NXPE3: variants seen among roughly 807,000 people sequenced by gnomAD.
The protein encoded by NXPE3 is neurexophilin and PC-esterase domain family member 3, also known as NXPE family member 3.
A neutral mutation model predicts 46.1 loss-of-function variants in NXPE3; 26 were observed. The ratio of observed to expected loss-of-function variants is 0.56; its 90% confidence interval spans 0.41 to 0.78. The LOEUF (loss-of-function observed/expected upper bound fraction) is 0.78, where lower values mean the gene tolerates loss of function less well. Among genes scored for constraint, NXPE3 ranks in the 30% least tolerant of loss-of-function variants. NXPE3 has a pLI of 0.00. For missense variants in NXPE3, 620 were observed against 686.0 expected, an observed-to-expected ratio of 0.90 and a Z score of 1.07; for synonymous variants, 272 against 257.9, an observed-to-expected ratio of 1.05 and a Z score of -0.52.
chr3:101,785,769 G>C, intron 4 of NXPE3, 80 bp downstream of exon 4: 6 of 1,116,482 alleles, frequency 5.4e-6, no homozygotes, highest in Non-Finnish European at 8.2e-6. Flanking sequence ...GAAAACGTTG[G>C]TTATCGGAAG....
chr3:101,781,820 G>A (rs1264163060), intron 1 of NXPE3: 1 of 152,096 alleles, frequency 6.6e-6, no homozygotes, highest in Non-Finnish European at 1.5e-5. Context: ...AACATTTGGA[G>A]CTTTTATCTT....
At chr3:101,809,822 C>T (rs1363167107) in intron 6 of NXPE3, among the ~76,000 whole-genome samples, 2 of 152,134 alleles carry the variant, frequency 1.3e-5, no homozygotes, top group Admixed American at 6.5e-5. Context: ...GTGCTGTCAT[C>T]CTTTTGTTTG....
chr3:101,794,498 T>C (rs573090085), intron 4 of NXPE3, among the ~76,000 whole-genome samples: 255 of 152,308 alleles, frequency 1.7e-3, no homozygotes, highest in African/African-American at 5.7e-3. Context: ...TGTGTGGGAC[T>C]TGAAATAATG....
chr3:101,798,178 A>C (rs1452927387), intron 4 of NXPE3, among the ~76,000 whole-genome samples: 1 of 151,660 alleles, frequency 6.6e-6, no homozygotes, highest in African/African-American at 2.4e-5. Context: ...ATGGCCAGTG[A>C]TGATGAGCAT....
intron 4 of NXPE3, among the ~76,000 whole-genome samples, chr3:101,791,595 G>A (rs563901861): frequency 8.0e-4 from 122 of 151,976 alleles, no homozygotes; most frequent in South Asian, 3.5e-3. Context: ...TATATTGGCC[G>A]GGCTGATCTC....
chr3:101,798,754 A>G (rs994871056), intron 4 of NXPE3, among the ~76,000 whole-genome samples: 2 of 151,846 alleles, frequency 1.3e-5, no homozygotes, highest in African/African-American at 4.8e-5. Context: ...CTGAGATTAC[A>G]GGTGTGTACC....
At chr3:101,782,838 G>T (rs771901743) in intron 3 of NXPE3, 58 bp downstream of exon 3, 5 of 151,970 alleles carry the variant, frequency 3.3e-5, no homozygotes, top group African/African-American at 7.3e-5. Context: ...GTGGAGTTGG[G>T]GGTCTCACTA....
At chr3:101,782,817 T>A (rs575710196) in intron 3 of NXPE3, 37 bp downstream of exon 3, 9 of 152,042 alleles carry the variant, frequency 5.9e-5, no homozygotes, top group African/African-American at 2.2e-4. Context: ...AAAAAAAAAT[T>A]TTTTGTGTGT....
chr3:101,797,272 A>G lies in NXPE3; in HGVS notation c.94-3963A>G, dbSNP rs115420538. Among the ~76,000 whole-genome samples, 1,186 of 152,248 alleles carry G rather than the reference A, an allele frequency of 7.8e-3. 18 individuals carry two copies. Among genetic ancestry groups the G allele is most frequent in the African/African-American group, 0.027 (1,140 of 41,528 alleles). On this transcript the variant is annotated intron_variant, in intron 4 of 7. Coordinates refer to ENST00000273347, the MANE Select transcript of NXPE3 (RefSeq NM_145037.4). ...ACTTATATCTTGATTTGTGAACTTT[A>G]CAAGGTATCTCCTGACTTGTTCATA...
At chr3:101,808,938 G>A (rs1344444358) in intron 6 of NXPE3, among the ~76,000 whole-genome samples, 3 of 148,898 alleles carry the variant, frequency 2.0e-5, no homozygotes, top group African/African-American at 4.9e-5. Flanking sequence ...GTAGTACTGC[G>A]CTCTAAACAC....
intron 4 of NXPE3, among the ~76,000 whole-genome samples, chr3:101,789,389 T>G (rs907962556): frequency 1.1e-4 from 17 of 151,846 alleles, no homozygotes; most frequent in African/African-American, 4.1e-4. Context: ...ACAAAAAATT[T>G]TGAAAAATTA....
At chr3:101,812,043 A>T (rs1368373489) in intron 6 of NXPE3, among the ~76,000 whole-genome samples, 1 of 152,150 alleles carries the variant, frequency 6.6e-6, no homozygotes, top group African/African-American at 2.4e-5. Context: ...GGCCTGCAGT[A>T]GTGAAATTTA....
rs1212890427 is a variant in NXPE3 at position 101,821,488 on chromosome 3, A to G, written c.1214A>G (p.Tyr405Cys). Residue 405 changes from tyrosine to cysteine, a missense_variant, in exon 8 of 8, where the codon TAC becomes TGC. By Grantham distance (194) the Tyr-to-Cys change is radical. This residue lies in a region of NXPE3 where 511 missense variants were observed against 528.6 expected (regional missense o/e 0.97). Coordinates refer to ENST00000273347, the MANE Select transcript of NXPE3 (RefSeq NM_145037.4). The stretch of plus-strand genomic sequence containing the variant: ...CAGAAGCACAACATCCTGCTCAAAT[A>G]CCGCTGCCATGGTCCACCCATCCGC... ...VDQKHNILLK[Y>C]RCHGPPIRFT... is the part of the protein sequence containing the mutation. The G allele has an allele frequency of 6.2e-7, 1 of 1,614,166 alleles. No individual in the cohort carries two copies. Among genetic ancestry groups the G allele is most frequent in the Admixed American group, 1.7e-5 (1 of 60,030 alleles).
chr3:101,820,908 A>T (rs183960715), intron 7 of NXPE3, among the ~76,000 whole-genome samples: 1 of 152,306 alleles, frequency 6.6e-6, no homozygotes, highest in African/African-American at 2.4e-5. Context: ...GGAGCAGACA[A>T]GGTAACTATT....
intron 6 of NXPE3, among the ~76,000 whole-genome samples, chr3:101,814,117 C>A (rs963199302): frequency 3.9e-5 from 6 of 152,138 alleles, no homozygotes; most frequent in Admixed American, 3.9e-4. Context: ...ATATTTGACA[C>A]AGAATAACCG....
Position 101,823,626 on chromosome 3 carries a change from A to T in NXPE3, c.*1672A>T, listed in dbSNP as rs1258949255. On this transcript the variant is annotated 3_prime_UTR_variant, in exon 8 of 8. Transcript: ENST00000273347. ...TCATCTCTACAAAAAATAAAAAATT[A>T]TCCAGGTGTGGGCCGACAGTCCCAG... The T allele has an allele frequency of 4.0e-5, 6 of 151,882 alleles. No individual in the cohort carries two copies. Among genetic ancestry groups the T allele is most frequent in the African/African-American group, 1.5e-4 (6 of 41,270 alleles). 9.4% of individuals were successfully genotyped at this position (151,882 alleles called of 1,614,324 possible).
Position 101,821,855 on chromosome 3 carries a change from C to T in NXPE3, c.1581C>T (p.Thr527=), listed in dbSNP as rs750711926. The T allele has an allele frequency of 6.2e-6, 10 of 1,613,940 alleles. No homozygotes were observed. The East Asian group carries it at 2.2e-4, about 36-fold the overall frequency. Residue 527 remains threonine (T), a synonymous_variant, in exon 8 of 8, where the codon ACC becomes ACT. Transcript: ENST00000273347. Reference sequence around the variant, plus strand: ...ATCTCGTCGATGCCTGGGAGATGACCCTGGCCCATTATCTACCGCACAAGC... The same window carrying T: ...ATCTCGTCGATGCCTGGGAGATGACTCTGGCCCATTATCTACCGCACAAGC... ...GVYLVDAWEM[T]LAHYLPHKLH...
In NXPE3 at chr3:101,821,998, T is replaced by G; in HGVS notation, c.*44T>G. On this transcript the variant is annotated 3_prime_UTR_variant, in exon 8 of 8. Transcript: ENST00000273347. ...GGAGGAATCATATTCAATGACCTTC[T>G]CAATTGACCTGAGTTACAGAAAGTG... The G allele has an allele frequency of 6.4e-7, 1 of 1,556,440 alleles. No homozygotes were observed.
chr3:101,816,723 G>A, intron 6 of NXPE3, 72 bp from the exon 7 acceptor site: 1 of 1,206,642 alleles, frequency 8.3e-7, no homozygotes, highest in Non-Finnish European at 1.2e-6. Flanking sequence ...GGGCATAATT[G>A]TTTCTTGGGA....
Sources: allele counts gnomAD v4.1 joint callset (sites outside exome capture counted in the v4.1 genomes callset), GRCh38; gene constraint gnomAD v4.1.1; regional missense constraint gnomAD v4.1.1; transcripts MANE v1.5; gene names NCBI Gene and HGNC (gene_info 2026-07-23, HGNC 2026-07-21).